PLK4: variants seen among roughly 807,000 people sequenced by gnomAD.
PLK4 encodes polo like kinase 4.
Under a neutral mutation model 103.0 loss-of-function variants are expected in PLK4, and 51 were observed. The observed-to-expected ratio is 0.50, with a 90% CI of 0.40 to 0.63. PLK4 has a LOEUF of 0.63. Among genes scored for constraint, PLK4 ranks in the 20% least tolerant of loss-of-function variants. PLK4 has a pLI of 0.00. For missense variants in PLK4, 1,054 were observed against 1,151.0 expected, an observed-to-expected ratio of 0.92 and a Z score of 1.22; for synonymous variants, 389 against 376.8, an observed-to-expected ratio of 1.03 and a Z score of -0.38.
intron 10 of PLK4, 59 bp downstream of exon 10, chr4:127,892,573 A>C: frequency 7.3e-7 from 1 of 1,361,506 alleles, no homozygotes. Flanking sequence ...GTAGTTACGT[A>C]TATGTGGGTT....
intron 6 of PLK4, among the ~76,000 whole-genome samples, chr4:127,887,949 C>T (rs920798466): frequency 1.3e-5 from 2 of 149,636 alleles, no homozygotes; most frequent in Non-Finnish European, 3.0e-5. Context: ...GGAGGCCAAG[C>T]CAGGCAGGTA....
chr4:127,894,032 G>A (rs1699659439), intron 13 of PLK4, 151 bp downstream of exon 13: 2 of 563,614 alleles, frequency 3.5e-6, no homozygotes, highest in Non-Finnish European at 6.3e-6. Context: ...TTATGTTTGA[G>A]CGTCAAAGGC....
intron 4 of PLK4, among the ~76,000 whole-genome samples, chr4:127,884,753 A>G (rs1560692156): frequency 6.6e-6 from 1 of 152,154 alleles, no homozygotes; most frequent in Non-Finnish European, 1.5e-5. Context: ...CCTGGCTGAC[A>G]TGGTGAAACC....
intron 14 of PLK4, among the ~76,000 whole-genome samples, chr4:127,896,014 C>G (rs904882432): frequency 6.6e-6 from 1 of 152,166 alleles, no homozygotes; most frequent in East Asian, 1.9e-4. Flanking sequence ...GAGCCTGACA[C>G]ATGTACTTTT....
intron 15 of PLK4, among the ~76,000 whole-genome samples, chr4:127,897,262 CTT>C (rs1235231273): frequency 1.3e-5 from 2 of 152,146 alleles, no homozygotes; most frequent in Non-Finnish European, 2.9e-5. Context: ...AAAAAGAAAT[CTT>C]TAAGATATAA....
chr4:127,886,803 G>A (rs1735153128), intron 5 of PLK4, 75 bp downstream of exon 5: 1 of 842,904 alleles, frequency 1.2e-6, no homozygotes, highest in Non-Finnish European at 1.8e-6. Flanking sequence ...CTGCATGTAA[G>A]CGGGGGGATA....
chr4:127,896,669 G>T (rs1735576596), intron 14 of PLK4, 132 bp from the exon 15 acceptor site: 1 of 475,052 alleles, frequency 2.1e-6, no homozygotes, highest in South Asian at 4.3e-5. Context: ...TTTAACTGTG[G>T]AAAACCTGTT....
At chr4:127,885,043 T>G (rs939516328) in intron 4 of PLK4, among the ~76,000 whole-genome samples, 1 of 152,158 alleles carries the variant, frequency 6.6e-6, no homozygotes, top group African/African-American at 2.4e-5. Context: ...ATGAATCGTT[T>G]GTGCAATTGT....
At chr4:127,882,869 G>A (rs536563496) in intron 2 of PLK4, among the ~76,000 whole-genome samples, 1 of 152,140 alleles carries the variant, frequency 6.6e-6, no homozygotes, top group East Asian at 1.9e-4. Flanking sequence ...GCAGTGAACT[G>A]TGATCATGCC....
intron 10 of PLK4, 92 bp from the exon 11 acceptor site, chr4:127,893,193 G>A: frequency 1.5e-6 from 1 of 668,970 alleles, no homozygotes; most frequent in Non-Finnish European, 2.4e-6. Flanking sequence ...CCTTGATCCA[G>A]GAGCCATTAT....
intron 13 of PLK4, 118 bp from the exon 14 acceptor site, chr4:127,894,835 A>T (rs1315459331): frequency 1.3e-5 from 8 of 624,288 alleles, no homozygotes; most frequent in Non-Finnish European, 2.0e-5. Flanking sequence ...TTTCGTTAAA[A>T]AATGTTTGTT....
intron 7 of PLK4, 125 bp downstream of exon 7, chr4:127,890,361 T>A (rs1735308844): frequency 1.7e-6 from 1 of 605,640 alleles, no homozygotes; most frequent in East Asian, 3.0e-5. Flanking sequence ...TCAACTTTAT[T>A]AAAGAGAAAA....
In PLK4 at chr4:127,894,417, A is replaced by T. The variant is rs761746946; in HGVS notation, c.2562+536A>T. ...AATTTTTTTTGTATTTTCAGTAGAG[A>T]CGGGGTTTCACCATGTTAGCCAGGA... On this transcript the variant is annotated intron_variant, in intron 13 of 15. Coordinates refer to ENST00000270861, the MANE Select transcript of PLK4 (RefSeq NM_014264.5). Among the ~76,000 whole-genome samples, 54 of 151,326 alleles carry T rather than the reference A, an allele frequency of 3.6e-4. 1 individual carries two copies. Among genetic ancestry groups the T allele is most frequent in the Non-Finnish European group, 2.9e-4 (20 of 67,856 alleles).
intron 1 of PLK4, chr4:127,881,393 G>T: frequency 7.0e-7 from 1 of 1,423,272 alleles, no homozygotes; most frequent in Non-Finnish European, 9.1e-7. Flanking sequence ...CCGCCCGGCA[G>T]TGTCCCGAGG....
Position 127,885,722 on chromosome 4 carries a change from C to T in PLK4, c.352C>T (p.His118Tyr). Residue 118 changes from histidine to tyrosine, a missense_variant, in exon 5 of 16, where the codon CAC (histidine) becomes TAC (tyrosine). By Grantham distance (83) the His-to-Tyr change is moderately conservative (BLOSUM62 2). Coordinates refer to ENST00000270861, the MANE Select transcript of PLK4 (RefSeq NM_014264.5). Reference sequence around the variant, plus strand: ...AATCCTAACAGCTCGACACTTCATGCACCAGATCATCACAGGGATGTTGTA... The same window carrying T: ...AATCCTAACAGCTCGACACTTCATGTACCAGATCATCACAGGGATGTTGTA... Reference protein sequence around the residue: ...FSENEARHFMHQIITGMLYLH... With the variant: ...FSENEARHFMYQIITGMLYLH... 1.9e-6 allele frequency: 3 copies of T among 1,609,764 alleles called. No homozygotes were observed. The highest frequency in any genetic ancestry group is 2.7e-5 in the African/African-American group (2 of 74,848).
intron 4 of PLK4, among the ~76,000 whole-genome samples, chr4:127,884,124 C>T (rs1735030630): frequency 6.6e-6 from 1 of 152,170 alleles, no homozygotes; most frequent in South Asian, 2.1e-4. Flanking sequence ...GCCACAAAGT[C>T]ATTATCACAC....
At chr4:127,888,176 T>TAAAA (rs1560695397) in intron 6 of PLK4, among the ~76,000 whole-genome samples, 1 of 4,064 alleles carries the variant, frequency 2.5e-4, no homozygotes. Flanking sequence ...CTAGACTGTC[T>TAAAA]CAAAAAAAAA....
rs772590078 is a variant in PLK4, at chr4:127,896,835, A to G, written c.2738A>G (p.Asp913Gly). The change falls in exon 15 of 16, where the codon GAT (aspartate) becomes GGT (glycine). Residue 913 changes from aspartate to glycine, a missense_variant. Transcript: ENST00000270861. The stretch of plus-strand genomic sequence containing the variant: ...GGAGCTGTGTGGGTTCAGTTTAATG[A>G]TGGGTCCCAGTTGGTTGTGCAGGCA... ...TSGAVWVQFN[D>G]GSQLVVQAGV... The G allele has an allele frequency of 6.2e-7, 1 of 1,609,860 alleles. No homozygotes were observed. The highest frequency in any genetic ancestry group is 1.7e-5 in the Admixed American group (1 of 59,794).
chr4:127,885,537 A>T (rs181843179), intron 4 of PLK4, among the ~76,000 whole-genome samples, 171 bp from the exon 5 acceptor site: 1 of 150,790 alleles, frequency 6.6e-6, no homozygotes, highest in African/African-American at 2.4e-5. Flanking sequence ...TGTTGGTACC[A>T]CTCTGATAAT....
Sources: allele counts gnomAD v4.1 joint callset (sites outside exome capture counted in the v4.1 genomes callset), GRCh38; gene constraint gnomAD v4.1.1; transcripts MANE v1.5; gene names NCBI Gene and HGNC (gene_info 2026-07-23, HGNC 2026-07-21).